PCBP3: variants seen among roughly 807,000 people sequenced by gnomAD.
PCBP3 encodes poly(rC) binding protein 3.
In PCBP3, 25 loss-of-function variants were observed where a neutral mutation model predicts 52.7. That is an observed-to-expected ratio of 0.47 (90% CI 0.35 to 0.66). The LOEUF (loss-of-function observed/expected upper bound fraction) is 0.66. Ranked by LOEUF, PCBP3 falls within the 30% of genes least tolerant of loss-of-function variation. PCBP3 has a pLI of 0.01. For synonymous variants in PCBP3, 162 were observed against 183.0 expected (o/e 0.89, Z 0.93); for missense variants, 391 against 490.3 (o/e 0.80, Z 1.91).
At chr21:45,649,320 A>G (rs1225290444) in intron 1 of PCBP3, among the ~76,000 whole-genome samples, 2 of 152,238 alleles carry the variant, frequency 1.3e-5, no homozygotes, top group Non-Finnish European at 2.9e-5. Context: ...GGTCCCTCCC[A>G]TAACACATGG....
At chr21:45,698,696 C>T (rs909640438) in intron 2 of PCBP3, among the ~76,000 whole-genome samples, 3 of 152,252 alleles carry the variant, frequency 2.0e-5, no homozygotes, top group Non-Finnish European at 4.4e-5. Flanking sequence ...CCTCTTGGCC[C>T]AGCCCCAAAA....
At chr21:45,742,195 G>A (rs1490841558) in intron 3 of PCBP3, among the ~76,000 whole-genome samples, 1 of 152,078 alleles carries the variant, frequency 6.6e-6, no homozygotes, top group Non-Finnish European at 1.5e-5. Context: ...TCTTTTGTAG[G>A]CAGTGTTCAC....
At chr21:45,825,523 A>G (rs1304381545) in intron 4 of PCBP3, among the ~76,000 whole-genome samples, 1 of 151,810 alleles carries the variant, frequency 6.6e-6, no homozygotes, top group East Asian at 1.9e-4. Context: ...GGGGTCTGCC[A>G]CTCCTGGCGG....
chr21:45,923,827 A>G (rs2074858463), intron 13 of PCBP3, among the ~76,000 whole-genome samples: 1 of 150,748 alleles, frequency 6.6e-6, no homozygotes, highest in Non-Finnish European at 1.5e-5. Context: ...GCACGAGGAG[A>G]TGCGAACACC....
chr21:45,924,482 A>G (rs1232279821), intron 13 of PCBP3, among the ~76,000 whole-genome samples: 3 of 110,352 alleles, frequency 2.7e-5, no homozygotes, highest in African/African-American at 1.3e-4. Context: ...GGTGTGCGTG[A>G]GGAGATGCGA....
At chr21:45,662,690 G>A (rs1293620976) in intron 1 of PCBP3, among the ~76,000 whole-genome samples, 1 of 151,882 alleles carries the variant, frequency 6.6e-6, no homozygotes. Flanking sequence ...TCATAACCTA[G>A]AAAAAACCGG....
At chr21:45,794,775 C>T (rs1348095546) in intron 4 of PCBP3, among the ~76,000 whole-genome samples, 1 of 151,986 alleles carries the variant, frequency 6.6e-6, no homozygotes, top group Admixed American at 6.5e-5. Context: ...TAAAAATACA[C>T]AGAATGAGCC....
intron 5 of PCBP3, among the ~76,000 whole-genome samples, chr21:45,888,763 T>G (rs150234881): frequency 6.6e-6 from 1 of 152,162 alleles, no homozygotes; most frequent in Non-Finnish European, 1.5e-5. Context: ...GGAATGATTA[T>G]AAAGTTTGCA....
At position 45,741,436 on chromosome 21, in the gene PCBP3, G is replaced by C. The variant is rs964300853; in HGVS notation, c.-162+6007G>C. 2.0e-5 allele frequency among the ~76,000 whole-genome samples: 3 copies of C among 152,092 alleles called. No homozygotes were observed. The highest frequency in any genetic ancestry group is 7.2e-5 in the African/African-American group (3 of 41,400). ...GCGAGGTAGGGGCTCAGGAGAGTCA[G>C]TGCTCATCTTTTATAGCAGGAAGCT... On this transcript the variant is annotated intron_variant, in intron 3 of 17. Coordinates refer to ENST00000681687, the MANE Select transcript of PCBP3 (RefSeq NM_001384156.1). The surrounding 1 kb of genome is among the most constrained non-coding windows in gnomAD (Gnocchi z 4.5).
rs2083303530 is a variant in PCBP3 at position 45,704,194 on chromosome 21, T to A, written c.-199-31198T>A. On this transcript the variant is annotated intron_variant, in intron 2 of 17. Transcript: ENST00000681687. The surrounding 1 kb of genome is among the most constrained non-coding windows in gnomAD (Gnocchi z 4.1). ...GCCGCTGAGTGGGTGGTGGTGAAGG[T>A]CATATCAGATGCTGGGGATGGCTCC... is the stretch of plus-strand genomic sequence containing the variant. Among the ~76,000 whole-genome samples, 1 of 152,020 alleles carries A rather than the reference T, an allele frequency of 6.6e-6. No homozygotes were observed. Among genetic ancestry groups the A allele is most frequent in the Non-Finnish European group, 1.5e-5 (1 of 68,004 alleles).
chr21:45,903,169 G>A (rs935609737), intron 9 of PCBP3, among the ~76,000 whole-genome samples: 9 of 152,124 alleles, frequency 5.9e-5, no homozygotes, highest in African/African-American at 9.7e-5. Context: ...GGAGGCATAT[G>A]GAGACTGGGG....
rs142511087 is a variant in PCBP3, at chr21:45,668,579, G to C, written c.-278-295G>C. 6.2e-4 allele frequency among the ~76,000 whole-genome samples: 94 copies of C among 152,006 alleles called. No homozygotes were observed. The East Asian group carries it at 0.015, about 24-fold the overall frequency. On this transcript the variant is annotated intron_variant, in intron 1 of 17. Transcript: ENST00000681687. ...ATAGAGCTGGGGTAGGGTTGGGGGT[G>C]GGGGGATGGGAATAGGGCAGGTTAA...
At chr21:45,849,912 G>A (rs1893022359) in intron 4 of PCBP3, 49 bp from the exon 5 acceptor site, 3 of 639,288 alleles carry the variant, frequency 4.7e-6, no homozygotes, top group Non-Finnish European at 8.6e-6. Context: ...TGCTGGCGGA[G>A]AGGCCCTGCA....
chr21:45,823,599 T>C (rs2093213843), intron 4 of PCBP3, among the ~76,000 whole-genome samples: 1 of 152,156 alleles, frequency 6.6e-6, no homozygotes, highest in African/African-American at 2.4e-5. Context: ...TGTGATTCAC[T>C]GACTCACCCA....
rs907201454 is a variant in PCBP3 at position 45,866,817 on chromosome 21, C to G, written c.10+16722C>G. Among the ~76,000 whole-genome samples, 6 of 152,274 alleles carry G rather than the reference C, an allele frequency of 3.9e-5. No homozygotes were observed. The East Asian group carries it at 9.7e-4, about 25-fold the overall frequency. On this transcript the variant is annotated intron_variant, in intron 5 of 17. Coordinates refer to ENST00000681687, the MANE Select transcript of PCBP3 (RefSeq NM_001384156.1). Reference sequence around the variant, plus strand: ...CCTCCCTTCCCTGTGGTCCTCCTGCCCACCCCACCCCCGTCTGCATGTGCA... The same window carrying G: ...CCTCCCTTCCCTGTGGTCCTCCTGCGCACCCCACCCCCGTCTGCATGTGCA...
Position 45,656,684 on chromosome 21 carries a change from A to G in PCBP3, c.-278-12190A>G, listed in dbSNP as rs2080041618. On this transcript the variant is annotated intron_variant, in intron 1 of 17. Transcript: ENST00000681687. This position sits in a 1 kb window ranked among gnomAD's most constrained non-coding sequence, Gnocchi z 4.3. ...TGAAAACAAAAACAAAAATAAATAAATCCTTTGCCCATTTAAAAACTGGAT... is the reference window on the plus strand; with the variant it reads ...TGAAAACAAAAACAAAAATAAATAAGTCCTTTGCCCATTTAAAAACTGGAT... Among the ~76,000 whole-genome samples the G allele has an allele frequency of 2.0e-5, 3 of 152,082 alleles. No individual in the cohort carries two copies. The East Asian group carries it at 5.8e-4, about 29-fold the overall frequency.
chr21:45,905,395 G>A (rs1569479028), intron 9 of PCBP3, among the ~76,000 whole-genome samples: 1 of 152,230 alleles, frequency 6.6e-6, no homozygotes, highest in African/African-American at 2.4e-5. Context: ...ACCGCCATGG[G>A]CCCTTGGTTA....
At chr21:45,678,791 A>G (rs1208032228) in intron 2 of PCBP3, among the ~76,000 whole-genome samples, 1 of 152,002 alleles carries the variant, frequency 6.6e-6, no homozygotes, top group Non-Finnish European at 1.5e-5. Flanking sequence ...ACATAAGCTT[A>G]GTTGCTAAAG....
Position 45,787,436 on chromosome 21 carries a change from C to T in PCBP3, c.-126+31984C>T, listed in dbSNP as rs182683205. ...ATTTTTTTTTTTTTTTAAATAGAGA[C>T]TAGGTCTCCCTGTGTTGCCCATGCT... On this transcript the variant is annotated intron_variant, in intron 4 of 17. Transcript: ENST00000681687. Among the ~76,000 whole-genome samples the T allele has an allele frequency of 6.1e-4, 93 of 151,502 alleles. No homozygotes were observed. In the East Asian group the frequency reaches 0.018, roughly 29 times the overall value.
Sources: allele counts gnomAD v4.1 joint callset (sites outside exome capture counted in the v4.1 genomes callset), GRCh38; gene constraint gnomAD v4.1.1; non-coding constraint Gnocchi (gnomAD v3.1); transcripts MANE v1.5; gene names NCBI Gene and HGNC (gene_info 2026-07-23, HGNC 2026-07-21).